SEPTIN9: variants seen among roughly 807,000 people sequenced by gnomAD.
SEPTIN9 encodes septin-9.
In SEPTIN9, 13 loss-of-function variants were observed where a neutral mutation model predicts 56.6. The ratio of observed to expected loss-of-function variants is 0.23; its 90% CI spans 0.15 to 0.37. The LOEUF (loss-of-function observed/expected upper bound fraction) is 0.37. Among genes scored for constraint, SEPTIN9 ranks in the 10% least tolerant of loss-of-function variants. The pLI is 1.00. For synonymous variants in SEPTIN9, 332 were observed against 334.1 expected (o/e 0.99, Z 0.07); for missense variants, 650 against 823.1 (o/e 0.79, Z 2.57).
At position 77,327,405 on chromosome 17, in the gene SEPTIN9, G is replaced by A. The variant is rs551329295; in HGVS notation, c.76+20208G>A. 4.6e-5 allele frequency among the ~76,000 whole-genome samples: 7 copies of A among 152,256 alleles called. No homozygotes were observed. The East Asian group carries it at 9.7e-4, about 21-fold the overall frequency. ...CCGCCTGGCCCCATGCATCCCGCAC[G>A]GTGCTCCCCAGGGTCTCCCACTGGC... On this transcript the variant is annotated intron_variant, in intron 2 of 11. Coordinates refer to ENST00000427177, the MANE Select transcript of SEPTIN9 (RefSeq NM_001113491.2). This position sits in a 1 kb window ranked among gnomAD's most constrained non-coding sequence, Gnocchi z 5.0.
Position 77,499,054 on chromosome 17 carries a change from G to A in SEPTIN9, c.*396G>A, listed in dbSNP as rs1158342864. 1 of 537,368 alleles carries A rather than the reference G, an allele frequency of 1.9e-6. No homozygotes were observed. Among genetic ancestry groups the A allele is most frequent in the Non-Finnish European group, 3.6e-6 (1 of 277,282 alleles). 33.3% of individuals were successfully genotyped at this position (537,368 alleles called of 1,614,324 possible). A position where few individuals can be genotyped will look rare whatever the true frequency, so the allele number is the denominator to read the frequency against. On this transcript the variant is annotated 3_prime_UTR_variant, in exon 12 of 12. Transcript: ENST00000427177. Reference sequence around the variant, plus strand: ...TCGCACTTGCAGAGGAGCCCAGTGGGCTGCACGCTCCCCTCCATCCCCATC... The same window carrying A: ...TCGCACTTGCAGAGGAGCCCAGTGGACTGCACGCTCCCCTCCATCCCCATC...
chr17:77,411,812 T>A (rs1413358929), intron 3 of SEPTIN9, among the ~76,000 whole-genome samples: 2 of 152,168 alleles, frequency 1.3e-5, no homozygotes, highest in African/African-American at 2.4e-5. Context: ...CTTAGTGAAT[T>A]TCTGTGTCAA....
rs565034449 is a variant in SEPTIN9, at chr17:77,319,377, G to A, written c.76+12180G>A. ...GGGAACAGCACTGATCCCCCAGTGG[G>A]GCCCCGAGTTCCCGGAGAGGAAGAC... On this transcript the variant is annotated intron_variant, in intron 2 of 11. Coordinates refer to ENST00000427177, the MANE Select transcript of SEPTIN9 (RefSeq NM_001113491.2). The surrounding 1 kb of genome is among the most constrained non-coding windows in gnomAD (Gnocchi z 5.3). 3.9e-4 allele frequency: 93 copies of A among 240,268 alleles called. No individual in the cohort carries two copies. Among genetic ancestry groups the A allele is most frequent in the African/African-American group, 2.0e-3 (89 of 43,572 alleles). The allele number at this position is 240,268 out of a possible 1,614,324, so 14.9% of individuals were successfully genotyped here. A position where few individuals can be genotyped will look rare whatever the true frequency, so the allele number is the denominator to read the frequency against.
chr17:77,344,971 A>G (rs1392043679), intron 2 of SEPTIN9, among the ~76,000 whole-genome samples: 1 of 23,794 alleles, frequency 4.2e-5, no homozygotes, highest in East Asian at 3.0e-3. Context: ...GACTGCCTCA[A>G]AAAAAAAAAA....
In SEPTIN9 at chr17:77,475,879, G is replaced by A. The variant is rs2039193083; in HGVS notation, c.722-6265G>A. The A allele has an allele frequency of 6.2e-7, 1 of 1,612,068 alleles. No homozygotes were observed. Among genetic ancestry groups the A allele is most frequent in the African/African-American group, 1.3e-5 (1 of 74,914 alleles). On this transcript the variant is annotated intron_variant, in intron 3 of 11. Coordinates refer to ENST00000427177, the MANE Select transcript of SEPTIN9 (RefSeq NM_001113491.2). This position sits in a 1 kb window ranked among gnomAD's most constrained non-coding sequence, Gnocchi z 4.6. ...GGAGGATGACCTTGCATTCTGCTTG[G>A]CCACCATTGGCAGTGACAGACAAGG... is the stretch of plus-strand genomic sequence containing the variant.
chr17:77,462,173 G>A (rs2038505621), intron 3 of SEPTIN9, among the ~76,000 whole-genome samples: 1 of 152,220 alleles, frequency 6.6e-6, no homozygotes, highest in African/African-American at 2.4e-5. Context: ...AACAATTCAA[G>A]TAAGTTTTAC....
intron 3 of SEPTIN9, among the ~76,000 whole-genome samples, chr17:77,407,764 T>A (rs1009561142): frequency 1.3e-5 from 2 of 152,222 alleles, no homozygotes; most frequent in African/African-American, 4.8e-5. Flanking sequence ...CTTGGCACCC[T>A]CCTTGCTGTC....
intron 3 of SEPTIN9, among the ~76,000 whole-genome samples, chr17:77,438,611 C>CCA (rs954173872): frequency 2.6e-5 from 4 of 152,158 alleles, no homozygotes. Flanking sequence ...AGGAAGGAGG[C>CCA]CACAAGCCAA....
intron 2 of SEPTIN9, among the ~76,000 whole-genome samples, chr17:77,324,356 A>C (rs184629367): frequency 6.6e-6 from 1 of 152,334 alleles, no homozygotes; most frequent in African/African-American, 2.4e-5. Context: ...CTGGATGCAC[A>C]GCATGGTTCC....
chr17:77,353,125 A>G (rs549129748), intron 2 of SEPTIN9, among the ~76,000 whole-genome samples: 12 of 152,314 alleles, frequency 7.9e-5, no homozygotes, highest in Admixed American at 7.8e-4. Flanking sequence ...TCAACCCACA[A>G]TGGGTCTCAC....
chr17:77,490,761 G>A lies in SEPTIN9; in HGVS notation c.1282G>A (p.Glu428Lys), dbSNP rs961244163. 2.5e-6 allele frequency: 4 copies of A among 1,580,502 alleles called. No homozygotes were observed. Among genetic ancestry groups the A allele is most frequent in the African/African-American group, 1.3e-5 (1 of 74,184 alleles). Reference sequence around the variant, plus strand: ...CTTCAGCCTCAGGCCCCTGGACATCGAGTTTATGAAACGCCTGAGCAAGGT... The same window carrying A: ...CTTCAGCCTCAGGCCCCTGGACATCAAGTTTATGAAACGCCTGAGCAAGGT... ...TGHSLRPLDI[E>K]FMKRLSKVVN... Residue 428 changes from glutamate to lysine, a missense_variant, in exon 8 of 12, where the codon GAG becomes AAG. Glu to Lys is a moderately conservative substitution (Grantham distance 56, BLOSUM62 1). Around this residue, in one of 2 missense-constraint regions of SEPTIN9, gnomAD observed 333 missense variants for 494.0 expected, o/e 0.67. Transcript: ENST00000427177.
At chr17:77,348,925 A>G (rs1168886471) in intron 2 of SEPTIN9, among the ~76,000 whole-genome samples, 1 of 152,154 alleles carries the variant, frequency 6.6e-6, no homozygotes, top group Non-Finnish European at 1.5e-5. Context: ...TATTTGCTAT[A>G]TCCTGTGCTC....
Position 77,433,049 on chromosome 17 carries a change from C to G in SEPTIN9, c.721+30346C>G, listed in dbSNP as rs1413651785. 6.6e-6 allele frequency among the ~76,000 whole-genome samples: 1 copy of G among 152,194 alleles called. No individual in the cohort carries two copies. Among genetic ancestry groups the G allele is most frequent in the Admixed American group, 6.5e-5 (1 of 15,286 alleles). On this transcript the variant is annotated intron_variant, in intron 3 of 11. Coordinates refer to ENST00000427177, the MANE Select transcript of SEPTIN9 (RefSeq NM_001113491.2). The surrounding 1 kb of genome is among the most constrained non-coding windows in gnomAD (Gnocchi z 6.4). ...CCTGCCCCTCCCCTCCCGCTGTGCT[C>G]TCAGCTGCTCCGACAGGATGCTTTT...
intron 2 of SEPTIN9, among the ~76,000 whole-genome samples, chr17:77,341,890 G>A (rs767876955): frequency 8.6e-5 from 13 of 150,880 alleles, no homozygotes; most frequent in Non-Finnish European, 1.6e-4. Context: ...AGACCATCCT[G>A]GCTAACACGA....
rs138851423 is a variant in SEPTIN9 at position 77,316,874 on chromosome 17, G to C, written c.76+9677G>C. ...GGCACGTGCCACCTTGCCCAGCTGG[G>C]GTTTCTGCTTTTTACTTTTTCTCTT... On this transcript the variant is annotated intron_variant, in intron 2 of 11. Coordinates refer to ENST00000427177, the MANE Select transcript of SEPTIN9 (RefSeq NM_001113491.2). Among the ~76,000 whole-genome samples the C allele has an allele frequency of 2.0e-3, 306 of 151,840 alleles. 1 individual carries two copies. Among genetic ancestry groups the C allele is most frequent in the African/African-American group, 6.9e-3 (284 of 41,408 alleles).
intron 1 of SEPTIN9, among the ~76,000 whole-genome samples, chr17:77,297,888 G>T (rs2031885376): frequency 6.6e-6 from 1 of 152,210 alleles, no homozygotes; most frequent in Non-Finnish European, 1.5e-5. Flanking sequence ...AGTGGTGAGG[G>T]GTCACAGAGA....
rs140644359 is a variant in SEPTIN9, at chr17:77,488,463, G to A, written c.1124+142G>A. On this transcript the variant is annotated intron_variant, in intron 6 of 11. Transcript: ENST00000427177. ...ACCTGACATGCTGCCAAAGCCGCAC[G>A]TCTCAGGGGCCTGAAAATTCTGGAC... 7.6e-4 allele frequency: 653 copies of A among 862,322 alleles called. No homozygotes were observed. The African/African-American group carries it at 8.3e-3, about 11-fold the overall frequency. The allele number at this position is 862,322 out of a possible 1,614,324, so 53.4% of individuals were successfully genotyped here.
At position 77,487,104 on chromosome 17, in the gene SEPTIN9, C is replaced by T. The variant is rs1055501145; in HGVS notation, c.914-320C>T. ...CTGTCCTGTCCAAAATCTGAGCCACCAGGAGACCTCCTGTCCAGAAAGCAC... is the reference window on the plus strand; with the variant it reads ...CTGTCCTGTCCAAAATCTGAGCCACTAGGAGACCTCCTGTCCAGAAAGCAC... On this transcript the variant is annotated intron_variant, in intron 4 of 11. Coordinates refer to ENST00000427177, the MANE Select transcript of SEPTIN9 (RefSeq NM_001113491.2). The surrounding 1 kb of genome is among the most constrained non-coding windows in gnomAD (Gnocchi z 4.3). Among the ~76,000 whole-genome samples, 1 of 152,190 alleles carries T rather than the reference C, an allele frequency of 6.6e-6. No individual in the cohort carries two copies. The highest frequency in any genetic ancestry group is 2.4e-5 in the African/African-American group (1 of 41,434).
In SEPTIN9 at chr17:77,313,097, C is replaced by G. The variant is rs1190343815; in HGVS notation, c.76+5900C>G. 1.3e-5 allele frequency among the ~76,000 whole-genome samples: 2 copies of G among 152,222 alleles called. No homozygotes were observed. Among genetic ancestry groups the G allele is most frequent in the South Asian group, 4.1e-4 (2 of 4,830 alleles). On this transcript the variant is annotated intron_variant, in intron 2 of 11. Transcript: ENST00000427177. This position sits in a 1 kb window ranked among gnomAD's most constrained non-coding sequence, Gnocchi z 4.5. Reference sequence around the variant, plus strand: ...GCAAGCAGGATGAAAGACACCCGCTCTCGGGGGAGTCTTCCGTTGGCTGCA... The same window carrying G: ...GCAAGCAGGATGAAAGACACCCGCTGTCGGGGGAGTCTTCCGTTGGCTGCA...
Sources: gnomAD v4.1 joint callset for allele counts (sites outside exome capture counted in the v4.1 genomes callset) on GRCh38, gnomAD v4.1.1 for gene constraint, gnomAD v4.1.1 regional missense constraint, Gnocchi (gnomAD v3.1) non-coding constraint, MANE v1.5 for transcripts, NCBI Gene and HGNC (gene_info 2026-07-23, HGNC 2026-07-21) for gene names.